Variants in AUTS2 observed in about 807,000 individuals in gnomAD.
AUTS2 encodes the protein activator of transcription and developmental regulator AUTS2, also known as autism susceptibility gene 2 protein.
AUTS2 carries 17 observed loss-of-function variants against 112.4 expected under a neutral mutation model. The ratio of observed to expected loss-of-function variants is 0.15; its 90% CI spans 0.10 to 0.23. The LOEUF is 0.23. Ranked by LOEUF, AUTS2 falls within the 10% of genes least tolerant of loss-of-function variation. The probability of loss-of-function intolerance (pLI) is 1.00; values close to 1 mark genes in which losing one functional copy is unlikely to be tolerated. For synonymous variants in AUTS2, 751 were observed against 702.7 expected, an observed-to-expected ratio of 1.07 and a Z score of -1.09; for missense variants, 1,510 against 1,701.6, an observed-to-expected ratio of 0.89 and a Z score of 1.98.
intron 5 of AUTS2, among the ~76,000 whole-genome samples, chr7:70,640,177 G>A (rs1157211470): frequency 1.3e-5 from 2 of 152,044 alleles, no homozygotes; most frequent in Non-Finnish European, 2.9e-5. Context: ...GATGTATACA[G>A]TACACGGATG....
chr7:70,581,600 A>T (rs1243307129), intron 5 of AUTS2, among the ~76,000 whole-genome samples: 1 of 152,098 alleles, frequency 6.6e-6, no homozygotes, highest in Admixed American at 6.5e-5. Flanking sequence ...AACTATGCAC[A>T]CGCCACTTTG....
intron 4 of AUTS2, among the ~76,000 whole-genome samples, chr7:70,337,601 G>C (rs967326907): frequency 6.6e-6 from 1 of 152,168 alleles, no homozygotes; most frequent in Non-Finnish European, 1.5e-5. Context: ...TTTTTTAAAG[G>C]CATTTTTGAA....
In AUTS2 at chr7:69,726,510, G is replaced by GT. The variant is rs144686827; in HGVS notation, c.309+126562dup. 3.1e-3 allele frequency among the ~76,000 whole-genome samples: 438 copies of GT among 139,514 alleles called. 3 individuals carry two copies. Among genetic ancestry groups the GT allele is most frequent in the Admixed American group, 9.1e-3 (127 of 13,942 alleles). 91.5% of individuals were successfully genotyped at this position (139,514 alleles called of 152,430 possible). ...AGCTGTAATGATCAGTCTTGTACAA[G>GT]TTTTTTTTTTTTTTGGCAGACATAG... On this transcript the variant is annotated intron_variant, in intron 1 of 18. Coordinates refer to ENST00000342771, the MANE Select transcript of AUTS2 (RefSeq NM_015570.4).
At chr7:70,000,452 G>A (rs1158324407) in intron 2 of AUTS2, among the ~76,000 whole-genome samples, 1 of 152,158 alleles carries the variant, frequency 6.6e-6, no homozygotes, top group Non-Finnish European at 1.5e-5. Flanking sequence ...ATTAAATTCA[G>A]TCACAAAACT....
chr7:70,232,812 T>C (rs1227263832), intron 4 of AUTS2, among the ~76,000 whole-genome samples: 1 of 152,182 alleles, frequency 6.6e-6, no homozygotes, highest in Non-Finnish European at 1.5e-5. Flanking sequence ...TTAGAAAAAG[T>C]CAAAGGCCTG....
chr7:70,624,295 C>T (rs1219371012), intron 5 of AUTS2, among the ~76,000 whole-genome samples: 1 of 152,276 alleles, frequency 6.6e-6, no homozygotes, highest in South Asian at 2.1e-4. Context: ...CACTGTTTTA[C>T]ATTTTGCCCC....
At chr7:69,650,889 A>T (rs1333559975) in intron 1 of AUTS2, among the ~76,000 whole-genome samples, 1 of 152,216 alleles carries the variant, frequency 6.6e-6, no homozygotes, top group Non-Finnish European at 1.5e-5. Context: ...GTTTTTGCAC[A>T]TACTGCGTTA....
At chr7:69,714,481 T>C (rs767237991) in intron 1 of AUTS2, among the ~76,000 whole-genome samples, 1 of 152,164 alleles carries the variant, frequency 6.6e-6, no homozygotes, top group Non-Finnish European at 1.5e-5. Context: ...TTCCATTGAA[T>C]TGCCTTTCTG....
chr7:70,686,986 G>A (rs547559808), intron 5 of AUTS2, among the ~76,000 whole-genome samples: 1 of 152,024 alleles, frequency 6.6e-6, no homozygotes, highest in South Asian at 2.1e-4. Context: ...TGTGTTCTAC[G>A]CCGATCCGTC....
At chr7:69,986,547 G>C (rs1421887001) in intron 2 of AUTS2, among the ~76,000 whole-genome samples, 1 of 152,216 alleles carries the variant, frequency 6.6e-6, no homozygotes, top group Non-Finnish European at 1.5e-5. Flanking sequence ...GAATGTTACT[G>C]CTCTTGGCCA....
rs1801420138 is a variant in AUTS2 at position 70,560,122 on chromosome 7, T to A, written c.690+124341T>A. Among the ~76,000 whole-genome samples, 2 of 152,336 alleles carry A rather than the reference T, an allele frequency of 1.3e-5. 1 individual carries two copies. The highest frequency in any genetic ancestry group is 4.1e-4 in the South Asian group (2 of 4,826). On this transcript the variant is annotated intron_variant, in intron 5 of 18. Coordinates refer to ENST00000342771, the MANE Select transcript of AUTS2 (RefSeq NM_015570.4). ...ATTGCCTGAATGCTCTATCCCGTTA[T>A]ATAGATGGTCGCTTGGCTTGTTCTC...
intron 5 of AUTS2, among the ~76,000 whole-genome samples, chr7:70,484,543 C>G (rs930954395): frequency 3.0e-4 from 46 of 152,216 alleles, no homozygotes; most frequent in African/African-American, 1.1e-3. Flanking sequence ...AGTTACCTCC[C>G]TCCTCAGTAT....
intron 5 of AUTS2, among the ~76,000 whole-genome samples, chr7:70,576,076 A>G (rs1290693205): frequency 6.6e-6 from 1 of 152,108 alleles, no homozygotes; most frequent in Non-Finnish European, 1.5e-5. Flanking sequence ...CTTGGAATCC[A>G]TTTCCCTAAT....
At chr7:70,072,362 A>G (rs975911019) in intron 2 of AUTS2, among the ~76,000 whole-genome samples, 3 of 152,100 alleles carry the variant, frequency 2.0e-5, no homozygotes, top group African/African-American at 2.4e-5. Context: ...CTGTGGATAT[A>G]TATACAGTAC....
chr7:69,918,149 A>G (rs1434718273), intron 2 of AUTS2, among the ~76,000 whole-genome samples: 1 of 152,140 alleles, frequency 6.6e-6, no homozygotes, highest in African/African-American at 2.4e-5. Context: ...CCCCAAGGAC[A>G]CATTTTTAAA....
intron 1 of AUTS2, among the ~76,000 whole-genome samples, chr7:69,739,845 A>G (rs1787191092): frequency 6.6e-6 from 1 of 152,188 alleles, no homozygotes; most frequent in African/African-American, 2.4e-5. Flanking sequence ...GGTGTATAGA[A>G]TGGTGGCTGT....
chr7:69,805,633 A>G (rs1402906369), intron 1 of AUTS2, among the ~76,000 whole-genome samples: 1 of 152,254 alleles, frequency 6.6e-6, no homozygotes, highest in Admixed American at 6.5e-5. Context: ...ATCTGTGTAC[A>G]GAAGGAACCA....
chr7:69,980,495 G>A (rs1279247693), intron 2 of AUTS2, among the ~76,000 whole-genome samples: 2 of 152,000 alleles, frequency 1.3e-5, no homozygotes, highest in Non-Finnish European at 2.9e-5. Flanking sequence ...GGTAGATCTG[G>A]TTATGTACAT....
intron 2 of AUTS2, among the ~76,000 whole-genome samples, chr7:69,970,298 G>A (rs1304883470): frequency 6.6e-6 from 1 of 152,094 alleles, no homozygotes; most frequent in East Asian, 1.9e-4. Context: ...TCCTATAAGT[G>A]ATGATTCCAA....
Sources: allele counts gnomAD v4.1 joint callset (sites outside exome capture counted in the v4.1 genomes callset), GRCh38; gene constraint gnomAD v4.1.1; transcripts MANE v1.5; gene names NCBI Gene and HGNC (gene_info 2026-07-23, HGNC 2026-07-21).